PAX2: variants seen among roughly 807,000 people sequenced by gnomAD.
PAX2 encodes paired box 2.
A neutral mutation model predicts 41.7 loss-of-function variants in PAX2; 9 were observed. The ratio of observed to expected loss-of-function variants is 0.22; its 90% CI spans 0.13 to 0.38. The LOEUF (loss-of-function observed/expected upper bound fraction) is 0.38. Ranked by LOEUF, PAX2 falls within the 10% of genes least tolerant of loss-of-function variation. The probability of loss-of-function intolerance (pLI) is 1.00; values close to 1 mark genes in which losing one functional copy is unlikely to be tolerated. For synonymous variants in PAX2, 221 were observed against 212.7 expected (o/e 1.04, Z -0.34); for missense variants, 418 against 531.6 (o/e 0.79, Z 2.10).
At chr10:100,805,563 C>G (rs890593046) in intron 5 of PAX2, among the ~76,000 whole-genome samples, 1 of 152,172 alleles carries the variant, frequency 6.6e-6, no homozygotes, top group African/African-American at 2.4e-5. Context: ...GGGCTGAGAA[C>G]GCCTGAGGAA....
At position 100,827,321 on chromosome 10, in the gene PAX2, C is replaced by T. The variant is rs755981377; in HGVS notation, c.1109-222C>T. Among the ~76,000 whole-genome samples, 15 of 152,196 alleles carry T rather than the reference C, an allele frequency of 9.9e-5. No individual in the cohort carries two copies. Among genetic ancestry groups the T allele is most frequent in the Non-Finnish European group, 1.9e-4 (13 of 68,034 alleles). On this transcript the variant is annotated intron_variant, in intron 9 of 9. Transcript: ENST00000355243. This position sits in a 1 kb window ranked among gnomAD's most constrained non-coding sequence, Gnocchi z 8.5. ...CTGCGCCGCCCTCGCCCTCGGATCC[C>T]CTGGAGGGTGCGCAGCCGGGCGTCA...
Position 100,828,720 on chromosome 10 carries a change from C to A in PAX2, c.*1101C>A. The stretch of plus-strand genomic sequence containing the variant: ...TGCGGGGTGGAAGTGGGGGGCTGCC[C>A]ACTCCACTCCTCCCATCCCCTCCCA... On this transcript the variant is annotated 3_prime_UTR_variant, in exon 10 of 10. Coordinates refer to ENST00000355243, the MANE Select transcript of PAX2 (RefSeq NM_000278.5). The surrounding 1 kb of genome is among the most constrained non-coding windows in gnomAD (Gnocchi z 6.5). The A allele has an allele frequency of 4.3e-6, 1 of 233,566 alleles. No homozygotes were observed. The highest frequency in any genetic ancestry group is 6.0e-5 in the East Asian group (1 of 16,590). The allele number at this position is 233,566 out of a possible 1,614,324, so 14.5% of individuals were successfully genotyped here.
In PAX2 at chr10:100,803,793, T is replaced by C. The variant is rs1404360744; in HGVS notation, c.617-2637T>C. ...CGCCTCCCACTGCCACCTCTTCCAG[T>C]AGCAGGCTTCCTTAGCCTTTGCCTC... On this transcript the variant is annotated intron_variant, in intron 5 of 9. Coordinates refer to ENST00000355243, the MANE Select transcript of PAX2 (RefSeq NM_000278.5). Among the ~76,000 whole-genome samples the C allele has an allele frequency of 2.0e-5, 3 of 151,962 alleles. No individual in the cohort carries two copies. In the East Asian group the frequency reaches 5.8e-4, roughly 29 times the overall value.
chr10:100,788,385 G>A (rs1258148266), intron 5 of PAX2, among the ~76,000 whole-genome samples: 2 of 152,252 alleles, frequency 1.3e-5, no homozygotes, highest in Non-Finnish European at 2.9e-5. Flanking sequence ...AGGGGCAGTG[G>A]GAGGAGGGCT....
intron 1 of PAX2, among the ~76,000 whole-genome samples, chr10:100,736,997 T>A (rs1844795501): frequency 6.6e-6 from 1 of 152,110 alleles, no homozygotes; most frequent in Non-Finnish European, 1.5e-5. Flanking sequence ...CCTGAGAACC[T>A]CTCTCCCCTT....
At chr10:100,806,713 T>A in intron 6 of PAX2, 108 bp downstream of exon 6, 1 of 934,248 alleles carries the variant, frequency 1.1e-6, no homozygotes, top group Non-Finnish European at 1.7e-6. Context: ...TTGTATGTGT[T>A]ACACACGTGT....
At chr10:100,755,028 G>A (rs7079266) in intron 3 of PAX2, among the ~76,000 whole-genome samples, 7,876 of 152,276 alleles carry the variant, frequency 0.052, 570 homozygotes, top group African/African-American at 0.16. Flanking sequence ...CCCACAAATA[G>A]CAGACCAACA....
At chr10:100,757,228 G>A (rs1845666264) in intron 3 of PAX2, among the ~76,000 whole-genome samples, 1 of 152,210 alleles carries the variant, frequency 6.6e-6, no homozygotes, top group Admixed American at 6.5e-5. Context: ...GAGGAGAAAA[G>A]GGAGGAAGGC....
At chr10:100,776,152 G>T (rs1846379139) in intron 3 of PAX2, among the ~76,000 whole-genome samples, 1 of 152,116 alleles carries the variant, frequency 6.6e-6, no homozygotes, top group South Asian at 2.1e-4. Context: ...CCTCCACTTA[G>T]CTGCCCGTTC....
intron 5 of PAX2, among the ~76,000 whole-genome samples, chr10:100,789,866 A>T (rs1027296789): frequency 5.9e-5 from 9 of 152,248 alleles, no homozygotes; most frequent in African/African-American, 2.2e-4. Context: ...AGCCTGTTGA[A>T]TACTGACTAT....
In PAX2 at chr10:100,827,209, T is replaced by A. The variant is rs1271032095; in HGVS notation, c.1108+114T>A. 1 of 852,746 alleles carries A rather than the reference T, an allele frequency of 1.2e-6. No homozygotes were observed. The highest frequency in any genetic ancestry group is 1.7e-5 in the African/African-American group (1 of 59,570). 52.8% of individuals were successfully genotyped at this position (852,746 alleles called of 1,614,324 possible). ...ACCCGGCCGGGCCAGGGGGACAGGC[T>A]TGTTAGTGCAGCACTGAGGCCCGGG... On this transcript the variant is annotated intron_variant, in intron 9 of 9. Coordinates refer to ENST00000355243, the MANE Select transcript of PAX2 (RefSeq NM_000278.5). This position sits in a 1 kb window ranked among gnomAD's most constrained non-coding sequence, Gnocchi z 8.5.
intron 7 of PAX2, among the ~76,000 whole-genome samples, chr10:100,810,201 C>T (rs1847943879): frequency 6.6e-6 from 1 of 152,106 alleles, no homozygotes; most frequent in Non-Finnish European, 1.5e-5. Context: ...GGCTGCAGAG[C>T]CAGCGGCAAA....
chr10:100,822,815 G>A (rs1848415988), intron 7 of PAX2, among the ~76,000 whole-genome samples: 1 of 152,164 alleles, frequency 6.6e-6, no homozygotes, highest in African/African-American at 2.4e-5. Flanking sequence ...AACCAGGAGA[G>A]GTGATAATCT....
chr10:100,790,370 C>T (rs187932778), intron 5 of PAX2, among the ~76,000 whole-genome samples: 97 of 152,206 alleles, frequency 6.4e-4, no homozygotes, highest in African/African-American at 2.0e-3. Context: ...CCCTCGTGGA[C>T]GAGCACCCAT....
chr10:100,798,701 C>T (rs1847425753), intron 5 of PAX2, among the ~76,000 whole-genome samples: 1 of 152,094 alleles, frequency 6.6e-6, no homozygotes, highest in Non-Finnish European at 1.5e-5. Flanking sequence ...CTGAACACTC[C>T]TTCCTTTTCT....
upstream of PAX2, among the ~76,000 whole-genome samples, chr10:100,744,052 A>G (rs1354515122): frequency 6.6e-6 from 1 of 152,210 alleles, no homozygotes; most frequent in Admixed American, 6.5e-5. Flanking sequence ...GCCTGGCCTG[A>G]GCTCCTCCTG....
At chr10:100,739,792 C>T (rs796596549) in intron 1 of PAX2, among the ~76,000 whole-genome samples, 6 of 152,348 alleles carry the variant, frequency 3.9e-5, no homozygotes, top group African/African-American at 9.6e-5. Context: ...CCCTCGACCA[C>T]AGCCCGATGA....
chr10:100,742,808 T>C (rs1308561039), upstream of PAX2, among the ~76,000 whole-genome samples: 2 of 149,882 alleles, frequency 1.3e-5, no homozygotes, highest in Non-Finnish European at 3.0e-5. Flanking sequence ...GTTTTCTTTC[T>C]TTCTCTTTCT....
intron 5 of PAX2, among the ~76,000 whole-genome samples, chr10:100,781,938 G>T (rs768657450): frequency 6.6e-6 from 1 of 152,150 alleles, no homozygotes; most frequent in African/African-American, 2.4e-5. Context: ...TCAAGGTGCA[G>T]CCAGGCTGTT....
Sources: allele counts gnomAD v4.1 joint callset (sites outside exome capture counted in the v4.1 genomes callset), GRCh38; gene constraint gnomAD v4.1.1; non-coding constraint Gnocchi (gnomAD v3.1); transcripts MANE v1.5; gene names NCBI Gene and HGNC (gene_info 2026-07-23, HGNC 2026-07-21).